TMEM135: variants seen among roughly 807,000 people sequenced by gnomAD.
TMEM135 encodes the protein peroxisomal membrane protein 52.
Under a neutral mutation model 60.3 loss-of-function variants are expected in TMEM135, and 30 were observed. The observed-to-expected ratio is 0.50, with a 90% confidence interval of 0.37 to 0.68. The LOEUF (loss-of-function observed/expected upper bound fraction) is 0.68, where lower values mean the gene tolerates loss of function less well. Among genes scored for constraint, TMEM135 ranks in the 30% least tolerant of loss-of-function variants. TMEM135 has a pLI of 0.00. For synonymous variants in TMEM135, 190 were observed against 186.7 expected (o/e 1.02, Z -0.14); for missense variants, 468 against 548.8 (o/e 0.85, Z 1.47).
chr11:87,157,514 T>G (rs77656057), intron 5 of TMEM135, 108 bp downstream of exon 5: 34,299 of 936,912 alleles, frequency 0.037, 1,126 homozygotes, highest in African/African-American at 0.15. Flanking sequence ...AATAGAGAGA[T>G]ATCTGATGTA....
At chr11:87,170,017 T>A (rs1385022383) in intron 5 of TMEM135, among the ~76,000 whole-genome samples, 1 of 100,554 alleles carries the variant, frequency 9.9e-6, no homozygotes, top group Non-Finnish European at 2.0e-5. Context: ...TCTTTTTTTT[T>A]TCTAATCTTG....
intron 5 of TMEM135, among the ~76,000 whole-genome samples, chr11:87,212,243 G>A (rs777142321): frequency 2.6e-5 from 4 of 151,712 alleles, no homozygotes; most frequent in East Asian, 1.9e-4. Context: ...TAGCTGTTAC[G>A]CATTTTTTTT....
intron 5 of TMEM135, among the ~76,000 whole-genome samples, chr11:87,169,735 A>G (rs930118322): frequency 6.6e-6 from 1 of 151,718 alleles, no homozygotes; most frequent in East Asian, 1.9e-4. Flanking sequence ...CCCTTAACAT[A>G]TTTTCCTTCA....
At chr11:87,096,339 G>A (rs1386084714) in intron 4 of TMEM135, 3 of 211,054 alleles carry the variant, frequency 1.4e-5, no homozygotes, top group East Asian at 2.5e-4. Context: ...AGGCAGTCTT[G>A]GAGAGCATAA....
At chr11:87,103,654 T>C (rs1857519373) in intron 4 of TMEM135, among the ~76,000 whole-genome samples, 1 of 152,114 alleles carries the variant, frequency 6.6e-6, no homozygotes, top group South Asian at 2.1e-4. Context: ...CTTTGGAATC[T>C]GTGGGTTGTC....
intron 7 of TMEM135, among the ~76,000 whole-genome samples, chr11:87,297,017 C>T (rs1942358328): frequency 6.6e-6 from 1 of 152,172 alleles, no homozygotes; most frequent in South Asian, 2.1e-4. Context: ...GCTACTAATG[C>T]TTTTTGAGCA....
In TMEM135 at chr11:87,038,609, C is replaced by CT. The variant is rs3045930; in HGVS notation, c.141+443dup. Among the ~76,000 whole-genome samples, 287 of 113,906 alleles carry CT rather than the reference C, an allele frequency of 2.5e-3. 2 individuals carry two copies. The highest frequency in any genetic ancestry group is 8.8e-3 in the African/African-American group (264 of 30,038). The allele number at this position is 113,906 out of a possible 152,430, so 74.7% of individuals were successfully genotyped here. A position where few individuals can be genotyped will look rare whatever the true frequency, so the allele number is the denominator to read the frequency against. On this transcript the variant is annotated intron_variant, in intron 1 of 14. Transcript: ENST00000305494. Reference sequence around the variant, plus strand: ...ATCTAGTTTCCCCTGTTTTATTTTGCTTTTTTTTTTTTTTTTTTTTAATGA... The same window carrying CT: ...ATCTAGTTTCCCCTGTTTTATTTTGCTTTTTTTTTTTTTTTTTTTTTAATGA...
At position 87,327,970 on chromosome 11, in the gene TMEM135, CT is replaced by C. The variant is rs1565176205; in HGVS notation, c.*6638del. 4.4e-6 allele frequency: 2 copies of C among 453,926 alleles called. No homozygotes were observed. 28.1% of individuals were successfully genotyped at this position (453,926 alleles called of 1,614,324 possible). A position where few individuals can be genotyped will look rare whatever the true frequency, so the allele number is the denominator to read the frequency against. On this transcript the variant is annotated 3_prime_UTR_variant, in exon 15 of 15. Coordinates refer to ENST00000305494, the MANE Select transcript of TMEM135 (RefSeq NM_022918.4). ...CATATTGAGGGCAGATCTTCTCTGC[CT>C]AGTCCACGCTAACTCACATGCCAAT... is the stretch of plus-strand genomic sequence containing the variant.
At chr11:87,281,785 A>G (rs1942064463) in intron 6 of TMEM135, among the ~76,000 whole-genome samples, 1 of 152,214 alleles carries the variant, frequency 6.6e-6, no homozygotes, top group African/African-American at 2.4e-5. Context: ...TTAAGTCAGA[A>G]CACAGTTTCC....
At chr11:87,095,770 A>G (rs1857311048) in intron 4 of TMEM135, 1 of 152,594 alleles carries the variant, frequency 6.6e-6, no homozygotes, top group Non-Finnish European at 1.5e-5. Context: ...AGGTCAGGAG[A>G]TCGAGACCAT....
Position 87,280,138 on chromosome 11 carries a change from TAAA to T in TMEM135, c.510-15643_510-15641del, listed in dbSNP as rs1942033836. Among the ~76,000 whole-genome samples, 5 of 152,340 alleles carry T rather than the reference TAAA, an allele frequency of 3.3e-5. No homozygotes were observed. The South Asian group carries it at 1.0e-3, about 32-fold the overall frequency. On this transcript the variant is annotated intron_variant, in intron 6 of 14. Coordinates refer to ENST00000305494, the MANE Select transcript of TMEM135 (RefSeq NM_022918.4). ...TAATGTGTGGTTTAATCTTTTAAAA[TAAA>T]GAACAAAGTATATGTTTAGATGGCA...
intron 3 of TMEM135, among the ~76,000 whole-genome samples, chr11:87,088,638 G>C (rs777117233): frequency 7.9e-5 from 12 of 152,164 alleles, no homozygotes; most frequent in Non-Finnish European, 1.2e-4. Context: ...CTCTTGTCCT[G>C]CTTGATATTC....
intron 6 of TMEM135, among the ~76,000 whole-genome samples, chr11:87,254,486 AATG>A (rs901089724): frequency 5.3e-5 from 8 of 152,164 alleles, no homozygotes; most frequent in African/African-American, 1.9e-4. Flanking sequence ...TCATGGATAA[AATG>A]ATCTCTGTGG....
At chr11:87,110,999 A>G (rs896240868) in intron 4 of TMEM135, among the ~76,000 whole-genome samples, 2 of 152,186 alleles carry the variant, frequency 1.3e-5, no homozygotes, top group African/African-American at 4.8e-5. Flanking sequence ...ATGTACTTCA[A>G]CCTAGATGTT....
At position 87,244,430 on chromosome 11, in the gene TMEM135, C is replaced by A. The variant is rs1172119445; in HGVS notation, c.509+7746C>A. Among the ~76,000 whole-genome samples the A allele has an allele frequency of 4.8e-5, 4 of 82,772 alleles. 1 individual carries two copies. Among genetic ancestry groups the A allele is most frequent in the Non-Finnish European group, 1.2e-4 (4 of 34,544 alleles). The allele number at this position is 82,772 out of a possible 152,430, so 54.3% of individuals were successfully genotyped here. Reference sequence around the variant, plus strand: ...GGAATAGTTTCAGAAGGAATGGTACCAGTTCCTCCTTGTACCTCTGGTAGA... The same window carrying A: ...GGAATAGTTTCAGAAGGAATGGTACAAGTTCCTCCTTGTACCTCTGGTAGA... On this transcript the variant is annotated intron_variant, in intron 6 of 14. Coordinates refer to ENST00000305494, the MANE Select transcript of TMEM135 (RefSeq NM_022918.4).
At chr11:87,168,406 A>G (rs1939128572) in intron 5 of TMEM135, among the ~76,000 whole-genome samples, 1 of 151,846 alleles carries the variant, frequency 6.6e-6, no homozygotes, top group Non-Finnish European at 1.5e-5. Flanking sequence ...TAGGGTGTTG[A>G]TTTTAGATCT....
At chr11:87,178,343 TGCCAC>T (rs1939430296) in intron 5 of TMEM135, 1 of 448,778 alleles carries the variant, frequency 2.2e-6, no homozygotes, top group Non-Finnish European at 4.5e-6. Context: ...ATTTTTATTA[TGCCAC>T]AATCTAAACT....
intron 3 of TMEM135, among the ~76,000 whole-genome samples, chr11:87,090,572 A>G (rs1254754983): frequency 6.6e-6 from 1 of 152,124 alleles, no homozygotes; most frequent in Non-Finnish European, 1.5e-5. Flanking sequence ...AACTAAAATA[A>G]GTTTTTGTAA....
chr11:87,275,388 A>C lies in TMEM135; in HGVS notation c.510-20394A>C, dbSNP rs1292960825. On this transcript the variant is annotated intron_variant, in intron 6 of 14. Transcript: ENST00000305494. Reference sequence around the variant, plus strand: ...TTCTTGAGACCAAAGCCTGCCTATCAGATGCTTATTGGTTGGGTGACCATA... The same window carrying C: ...TTCTTGAGACCAAAGCCTGCCTATCCGATGCTTATTGGTTGGGTGACCATA... 3.3e-5 allele frequency among the ~76,000 whole-genome samples: 5 copies of C among 152,254 alleles called. No individual in the cohort carries two copies. The East Asian group carries it at 9.7e-4, about 29-fold the overall frequency.
Sources: gnomAD v4.1 joint callset for allele counts (sites outside exome capture counted in the v4.1 genomes callset) on GRCh38, gnomAD v4.1.1 for gene constraint, MANE v1.5 for transcripts, NCBI Gene and HGNC (gene_info 2026-07-23, HGNC 2026-07-21) for gene names.